Variants in HRH2 observed in about 807,000 individuals in gnomAD.
HRH2 encodes histamine H2 receptor.
A neutral mutation model predicts 20.1 loss-of-function variants in HRH2; 4 were observed. The observed-to-expected ratio is 0.20, with a 90% confidence interval of 0.10 to 0.45. The LOEUF (loss-of-function observed/expected upper bound fraction) is 0.45. Among genes scored for constraint, HRH2 ranks in the 20% least tolerant of loss-of-function variants. The pLI is 0.99. For missense variants in HRH2, 250 were observed against 461.6 expected, an observed-to-expected ratio of 0.54 and a Z score of 4.20; for synonymous variants, 197 against 200.7, an observed-to-expected ratio of 0.98 and a Z score of 0.16.
chr5:175,663,663 A>T (rs1336565316), intron 1 of HRH2, among the ~76,000 whole-genome samples: 1 of 152,188 alleles, frequency 6.6e-6, no homozygotes, highest in Non-Finnish European at 1.5e-5. Context: ...TGTAGTTGCC[A>T]GTTCCTCTGC....
Position 175,673,746 on chromosome 5 carries a change from C to T in HRH2, c.-525-8963C>T, listed in dbSNP as rs534379671. 9.9e-5 allele frequency among the ~76,000 whole-genome samples: 15 copies of T among 151,162 alleles called. No homozygotes were observed. The East Asian group carries it at 2.5e-3, about 25-fold the overall frequency. On this transcript the variant is annotated intron_variant, in intron 1 of 2. Transcript: ENST00000636584. ...TTTGACGGAGTCTCGCTGTATCACC[C>T]AGGCTGGAGTGCAGTGGCGCAATCT...
chr5:175,677,013 G>T lies in HRH2; in HGVS notation c.-525-5696G>T, dbSNP rs1467489046. The stretch of plus-strand genomic sequence containing the variant: ...TCTTTTCTTTCTCTCTTTCTTTTTT[G>T]AGGCAGGTTCTCACTCAGTTGCCCA... On this transcript the variant is annotated intron_variant, in intron 1 of 2. Coordinates refer to ENST00000636584, the MANE Select transcript of HRH2 (RefSeq NM_001367711.1). The surrounding 1 kb of genome is among the most constrained non-coding windows in gnomAD (Gnocchi z 4.2). 2.7e-5 allele frequency among the ~76,000 whole-genome samples: 4 copies of T among 150,352 alleles called. No individual in the cohort carries two copies. The highest frequency in any genetic ancestry group is 2.6e-4 in the Admixed American group (4 of 15,106).
chr5:175,680,729 T>C (rs952457806), intron 1 of HRH2, among the ~76,000 whole-genome samples: 1 of 152,066 alleles, frequency 6.6e-6, no homozygotes, highest in South Asian at 2.1e-4. Flanking sequence ...GAGAGCGCCG[T>C]ACAAAATCCC....
intron 1 of HRH2, among the ~76,000 whole-genome samples, chr5:175,674,364 T>C (rs899070676): frequency 6.6e-6 from 1 of 152,298 alleles, no homozygotes; most frequent in East Asian, 1.9e-4. Flanking sequence ...ATACTATTAT[T>C]ATCATCTGTC....
intron 2 of HRH2, among the ~76,000 whole-genome samples, chr5:175,696,363 G>C (rs1756576977): frequency 6.6e-6 from 1 of 152,222 alleles, no homozygotes; most frequent in Admixed American, 6.5e-5. Context: ...CCCCCTCTGA[G>C]CTCCGCCTTG....
intron 2 of HRH2, among the ~76,000 whole-genome samples, chr5:175,702,652 C>T (rs549501902): frequency 4.8e-5 from 7 of 147,308 alleles, no homozygotes; most frequent in African/African-American, 1.5e-4. Flanking sequence ...CCCAAGATCA[C>T]GCCATTCTCC....
intron 2 of HRH2, among the ~76,000 whole-genome samples, chr5:175,705,452 A>G (rs1756914864): frequency 6.6e-6 from 1 of 152,230 alleles, no homozygotes; most frequent in Admixed American, 6.5e-5. Context: ...AAATGCATAA[A>G]TAAATTGAAG....
intron 1 of HRH2, among the ~76,000 whole-genome samples, chr5:175,659,589 A>G (rs1213311031): frequency 6.6e-6 from 1 of 152,202 alleles, no homozygotes; most frequent in Non-Finnish European, 1.5e-5. Flanking sequence ...TGAGGTTCCC[A>G]GAGGTAAATG....
Position 175,708,569 on chromosome 5 carries a change from AC to A in HRH2, c.*600del, listed in dbSNP as rs1757013768. The A allele has an allele frequency of 6.6e-6, 1 of 152,474 alleles. No homozygotes were observed. Among genetic ancestry groups the A allele is most frequent in the Non-Finnish European group, 1.5e-5 (1 of 68,288 alleles). 9.4% of individuals were successfully genotyped at this position (152,474 alleles called of 1,614,324 possible). The stretch of plus-strand genomic sequence containing the variant: ...AAACTGAGGCTCAGAGAAGTAAGGG[AC>A]CTGCCCAAGGCCACTCAGCACCTAG... On this transcript the variant is annotated 3_prime_UTR_variant, in exon 3 of 3. Transcript: ENST00000636584.
intron 1 of HRH2, among the ~76,000 whole-genome samples, chr5:175,663,763 C>A (rs990269602): frequency 1.1e-4 from 17 of 152,220 alleles, no homozygotes; most frequent in African/African-American, 3.6e-4. Flanking sequence ...TCCAGCCCCC[C>A]TCTAGCACAC....
chr5:175,683,562 T>G lies in HRH2; in HGVS notation c.329T>G (p.Phe110Cys). ...MLCTASILNL[F>C]MISLDRYCAV... is the part of the protein sequence containing the mutation. ...TGCACAGCCTCCATTCTTAACCTCT[T>G]CATGATCAGCCTCGACCGGTACTGC... Residue 110 changes from phenylalanine to cysteine, a missense_variant, in exon 2 of 3, where the codon TTC becomes TGC. Physicochemically the swap from Phe to Cys is radical, Grantham distance 205 (BLOSUM62 -2). Coordinates refer to ENST00000636584, the MANE Select transcript of HRH2 (RefSeq NM_001367711.1). The G allele has an allele frequency of 6.2e-7, 1 of 1,614,158 alleles. No individual in the cohort carries two copies. Among genetic ancestry groups the G allele is most frequent in the Non-Finnish European group, 8.5e-7 (1 of 1,180,036 alleles).
chr5:175,705,414 GA>G (rs1561743346), intron 2 of HRH2, among the ~76,000 whole-genome samples: 1 of 152,116 alleles, frequency 6.6e-6, no homozygotes, highest in African/African-American at 2.4e-5. Context: ...TAAAAAACTC[GA>G]AACAATCCAG....
At chr5:175,666,516 T>C (rs1762900328) in intron 1 of HRH2, among the ~76,000 whole-genome samples, 2 of 152,276 alleles carry the variant, frequency 1.3e-5, no homozygotes, top group South Asian at 4.1e-4. Flanking sequence ...AGCCTCGACC[T>C]CCCCAGCTCA....
chr5:175,703,815 G>A (rs1756861670), intron 2 of HRH2: 1 of 152,084 alleles, frequency 6.6e-6, no homozygotes, highest in Non-Finnish European at 1.5e-5. Flanking sequence ...AAGTGAATAA[G>A]TAAACAGAAC....
chr5:175,666,329 C>T (rs1282995444), intron 1 of HRH2, among the ~76,000 whole-genome samples: 4 of 152,212 alleles, frequency 2.6e-5, no homozygotes, highest in Non-Finnish European at 5.9e-5. Context: ...AGCCCTGCCA[C>T]CCCCAGCCCC....
intron 2 of HRH2, among the ~76,000 whole-genome samples, chr5:175,707,527 A>C (rs1425846809): frequency 6.6e-6 from 1 of 152,256 alleles, no homozygotes; most frequent in East Asian, 1.9e-4. Flanking sequence ...CCACAGGCAC[A>C]CAACATGTTA....
intron 1 of HRH2, among the ~76,000 whole-genome samples, chr5:175,671,768 T>C (rs1036368355): frequency 5.3e-5 from 8 of 152,236 alleles, no homozygotes; most frequent in Admixed American, 2.6e-4. Context: ...ATACAAATTA[T>C]ATTTTCTTTG....
At chr5:175,673,720 T>C (rs1319410392) in intron 1 of HRH2, among the ~76,000 whole-genome samples, 2 of 151,492 alleles carry the variant, frequency 1.3e-5, no homozygotes, top group Non-Finnish European at 2.9e-5. Context: ...TTTTTTTTTT[T>C]TTTGACGGAG....
intron 2 of HRH2, among the ~76,000 whole-genome samples, chr5:175,705,283 T>C (rs1022641619): frequency 3.9e-5 from 6 of 152,302 alleles, no homozygotes; most frequent in African/African-American, 1.2e-4. Context: ...TCCTTGGTGG[T>C]AATGCTGCAA....
Sources: allele counts gnomAD v4.1 joint callset (sites outside exome capture counted in the v4.1 genomes callset), GRCh38; gene constraint gnomAD v4.1.1; non-coding constraint Gnocchi (gnomAD v3.1); transcripts MANE v1.5; gene names NCBI Gene and HGNC (gene_info 2026-07-23, HGNC 2026-07-21).